The following ADD3 variants were observed in gnomAD, a reference collection of about 807,000 sequenced individuals.
The protein encoded by ADD3 is gamma-adducin.
Under a neutral mutation model 80.2 loss-of-function variants are expected in ADD3, and 25 were observed. That is an observed-to-expected ratio of 0.31 (90% CI 0.23 to 0.44). ADD3 has a LOEUF of 0.44. ADD3 is among the 20% of genes least tolerant of loss of function. ADD3 has a pLI of 1.00. For missense variants in ADD3, 829 were observed against 847.5 expected (o/e 0.98, Z 0.27); for synonymous variants, 284 against 289.6 (o/e 0.98, Z 0.20).
intron 1 of ADD3, among the ~76,000 whole-genome samples, chr10:110,082,688 A>G (rs1846210740): frequency 6.6e-6 from 1 of 152,242 alleles, no homozygotes. Context: ...ACATTTTTGT[A>G]TCATTATTTG....
chr10:110,062,365 ATGCAGGCCAT>A (rs1347516287), intron 1 of ADD3, among the ~76,000 whole-genome samples: 1 of 151,438 alleles, frequency 6.6e-6, no homozygotes, highest in Admixed American at 6.6e-5. Flanking sequence ...TTGCATGCCA[ATGCAGGCCAT>A]TGCACTGCAG....
At chr10:110,007,623 T>C (rs1006987934), upstream of ADD3, among the ~76,000 whole-genome samples, 1 of 152,052 alleles carries the variant, frequency 6.6e-6, no homozygotes, top group African/African-American at 2.4e-5. Context: ...GAAGAGGACG[T>C]TGAAAAGGCG....
intron 1 of ADD3, among the ~76,000 whole-genome samples, chr10:110,081,126 G>A (rs1846004926): frequency 6.6e-6 from 1 of 152,146 alleles, no homozygotes; most frequent in African/African-American, 2.4e-5. Context: ...TGTTTGTGTG[G>A]TGGTTACCTT....
intron 2 of ADD3, among the ~76,000 whole-genome samples, chr10:110,104,654 A>G (rs970094130): frequency 6.6e-6 from 1 of 152,192 alleles, no homozygotes; most frequent in Non-Finnish European, 1.5e-5. Context: ...ATTCTCAGCT[A>G]ATTTGGGTAG....
intron 1 of ADD3, among the ~76,000 whole-genome samples, chr10:110,032,092 C>T (rs74154965): frequency 0.011 from 1,617 of 152,070 alleles, 32 homozygotes; most frequent in African/African-American, 0.038. Context: ...TTGCTAAATG[C>T]CAGGAATATC....
intron 1 of ADD3, among the ~76,000 whole-genome samples, chr10:110,096,711 C>A (rs1263572373): frequency 6.6e-6 from 1 of 152,140 alleles, no homozygotes; most frequent in African/African-American, 2.4e-5. Context: ...TATAATGTCA[C>A]TTCAGCCACA....
At chr10:110,021,007 CTATA>C (rs61621049) in intron 1 of ADD3, among the ~76,000 whole-genome samples, 21,507 of 152,070 alleles carry the variant, frequency 0.14, 1,869 homozygotes, top group East Asian at 0.4. Context: ...TATAGGCCGA[CTATA>C]TAAACTTGTG....
intron 1 of ADD3, among the ~76,000 whole-genome samples, chr10:110,051,803 A>C (rs980728615): frequency 6.6e-6 from 1 of 152,036 alleles, no homozygotes; most frequent in Non-Finnish European, 1.5e-5. Flanking sequence ...TTGGCTTTTT[A>C]TTTATTTACT....
At chr10:110,126,003 AC>A in intron 11 of ADD3, 58 bp downstream of exon 11, 1 of 1,520,374 alleles carries the variant, frequency 6.6e-7, no homozygotes. Flanking sequence ...TGTTTAAATC[AC>A]CAGTGGTTGA....
chr10:110,006,003 CT>C, upstream of ADD3: 1 of 244,392 alleles, frequency 4.1e-6, no homozygotes, highest in Non-Finnish European at 8.4e-6. Context: ...GCTGCTGCTG[CT>C]GCCGCCGCCG....
upstream of ADD3, among the ~76,000 whole-genome samples, chr10:110,007,081 C>T (rs1851697667): frequency 6.6e-6 from 1 of 152,076 alleles, no homozygotes; most frequent in Non-Finnish European, 1.5e-5. Flanking sequence ...GGGTGGGAGG[C>T]CCGGTGTCAC....
intron 1 of ADD3, among the ~76,000 whole-genome samples, chr10:110,082,307 CA>C (rs1846160202): frequency 1.3e-5 from 2 of 151,884 alleles, no homozygotes; most frequent in South Asian, 4.1e-4. Context: ...AAAGTCATGA[CA>C]GTTAAAAAGA....
At chr10:110,126,844 C>T (rs1852231018) in intron 12 of ADD3, among the ~76,000 whole-genome samples, 1 of 152,174 alleles carries the variant, frequency 6.6e-6, no homozygotes, top group African/African-American at 2.4e-5. Flanking sequence ...TGCTCCTCGT[C>T]CTCCTTTGAT....
Position 110,116,423 on chromosome 10 carries a change from G to C in ADD3, c.486+13G>C, listed in dbSNP as rs781238994. On this transcript the variant is annotated intron_variant, in intron 4 of 14. Coordinates refer to ENST00000356080, the MANE Select transcript of ADD3 (RefSeq NM_016824.5). ...TACCTATATCTCAGTGAGTTCTTCA[G>C]CTTTCAATTCCTTTTTTAAAAAATT... 3.7e-6 allele frequency: 6 copies of C among 1,612,094 alleles called. No homozygotes were observed. The highest frequency in any genetic ancestry group is 2.7e-5 in the African/African-American group (2 of 74,892).
chr10:110,009,787 T>C (rs1486126746), intron 1 of ADD3, among the ~76,000 whole-genome samples: 1 of 152,172 alleles, frequency 6.6e-6, no homozygotes, highest in Non-Finnish European at 1.5e-5. Context: ...TGGTAATAGT[T>C]TTTAAAGAAG....
chr10:110,015,986 A>T (rs1162939645), intron 1 of ADD3, among the ~76,000 whole-genome samples: 1 of 152,220 alleles, frequency 6.6e-6, no homozygotes, highest in African/African-American at 2.4e-5. Flanking sequence ...GTAATCACTT[A>T]AGTTAGATGA....
intron 1 of ADD3, among the ~76,000 whole-genome samples, chr10:110,016,781 G>GT (rs967634764): frequency 1.3e-5 from 2 of 152,006 alleles, no homozygotes; most frequent in African/African-American, 4.8e-5. Context: ...GTTTTTGTTT[G>GT]TTTTTTCTTT....
At chr10:110,032,090 T>A (rs910068301) in intron 1 of ADD3, among the ~76,000 whole-genome samples, 11 of 152,114 alleles carry the variant, frequency 7.2e-5, no homozygotes, top group Admixed American at 5.9e-4. Context: ...CTTTGCTAAA[T>A]GCCAGGAATA....
chr10:110,111,849 G>A (rs1213704576), intron 2 of ADD3, among the ~76,000 whole-genome samples: 1 of 151,886 alleles, frequency 6.6e-6, no homozygotes, highest in African/African-American at 2.4e-5. Flanking sequence ...GGAGGCGGAG[G>A]TTGCGGTGAG....
Sources: gnomAD v4.1 joint callset for allele counts (sites outside exome capture counted in the v4.1 genomes callset) on GRCh38, gnomAD v4.1.1 for gene constraint, MANE v1.5 for transcripts, NCBI Gene and HGNC (gene_info 2026-07-23, HGNC 2026-07-21) for gene names.